KCNK5: variants seen among roughly 807,000 people sequenced by gnomAD.
KCNK5 encodes potassium channel subfamily K member 5.
Under a neutral mutation model 32.9 loss-of-function variants are expected in KCNK5, and 18 were observed. The ratio of observed to expected loss-of-function variants is 0.55; its 90% CI spans 0.38 to 0.81. The LOEUF (loss-of-function observed/expected upper bound fraction) is 0.81, where lower values mean the gene tolerates loss of function less well. Ranked by LOEUF, KCNK5 falls within the 30% of genes least tolerant of loss-of-function variation. The pLI, the probability that KCNK5 is intolerant of heterozygous loss-of-function variation, is 0.00. For missense variants in KCNK5, 507 were observed against 651.0 expected (o/e 0.78, Z 2.41); for synonymous variants, 276 against 275.3 (o/e 1.00, Z -0.03).
chr6:39,212,711 G>A (rs12190363), intron 1 of KCNK5, among the ~76,000 whole-genome samples: 30,967 of 152,042 alleles, frequency 0.2, 3,470 homozygotes, highest in Admixed American at 0.26. Context: ...GATCAACACT[G>A]GAAACAGCCG....
At chr6:39,216,599 C>T (rs1391986850) in intron 1 of KCNK5, among the ~76,000 whole-genome samples, 2 of 152,218 alleles carry the variant, frequency 1.3e-5, no homozygotes, top group Non-Finnish European at 2.9e-5. Context: ...AGGCCACTAA[C>T]TAGCTATGTG....
chr6:39,217,118 C>CAAAAAA (rs57204833), intron 1 of KCNK5, among the ~76,000 whole-genome samples: 12,184 of 72,188 alleles, frequency 0.17, 1,145 homozygotes, highest in Non-Finnish European at 0.24. Flanking sequence ...AAAACTCCAT[C>CAAAAAA]AAAAAAAAAA....
chr6:39,224,203 CT>C (rs1771609552), intron 1 of KCNK5, among the ~76,000 whole-genome samples: 1 of 151,526 alleles, frequency 6.6e-6, no homozygotes, highest in Non-Finnish European at 1.5e-5. Flanking sequence ...CTTTCCACTT[CT>C]GCAGTCCTAG....
chr6:39,195,809 G>C lies in KCNK5; in HGVS notation c.298+67C>G. ...AACAGGGCTGAGTGACCAGAGCTGG[G>C]TTTCTAGAAAGGTTCTGAGGAGCTA... On this transcript the variant is annotated intron_variant, in intron 2 of 4. Transcript: ENST00000359534. 4 of 1,163,770 alleles carry C rather than the reference G, an allele frequency of 3.4e-6. No individual in the cohort carries two copies. The South Asian group carries it at 4.1e-5, about 12-fold the overall frequency. 72.1% of individuals were successfully genotyped at this position (1,163,770 alleles called of 1,614,324 possible). A position where few individuals can be genotyped will look rare whatever the true frequency, so the allele number is the denominator to read the frequency against.
At chr6:39,214,536 T>A (rs1276990665) in intron 1 of KCNK5, among the ~76,000 whole-genome samples, 2 of 152,148 alleles carry the variant, frequency 1.3e-5, no homozygotes, top group Admixed American at 6.5e-5. Flanking sequence ...TGGGGGCTGT[T>A]GGGAGACAGG....
At chr6:39,218,378 T>TTAGAAATAAAGTGAGCCTA (rs1771479421) in intron 1 of KCNK5, among the ~76,000 whole-genome samples, 1 of 152,124 alleles carries the variant, frequency 6.6e-6, no homozygotes, top group Non-Finnish European at 1.5e-5. Context: ...CTATGGGCCA[T>TTAGAAATAAAGTGAGCCTA]TTTAAAAGGG....
In KCNK5 at chr6:39,194,909, C is replaced by A; in HGVS notation, c.299-149G>T. The A allele has an allele frequency of 1.4e-6, 1 of 694,398 alleles. No individual in the cohort carries two copies. Among genetic ancestry groups the A allele is most frequent in the Non-Finnish European group, 2.5e-6 (1 of 407,236 alleles). The allele number at this position is 694,398 out of a possible 1,614,324, so 43.0% of individuals were successfully genotyped here. A position where few individuals can be genotyped will look rare whatever the true frequency, so the allele number is the denominator to read the frequency against. On this transcript the variant is annotated intron_variant, in intron 2 of 4. Transcript: ENST00000359534. The surrounding 1 kb of genome is among the most constrained non-coding windows in gnomAD (Gnocchi z 4.7). ...TAATGATATTTCCCTTGATCATACTCTGATCATGATCATTGATAAAGCAAT... is the reference window on the plus strand; with the variant it reads ...TAATGATATTTCCCTTGATCATACTATGATCATGATCATTGATAAAGCAAT...
At chr6:39,203,533 TC>T (rs915441420) in intron 1 of KCNK5, among the ~76,000 whole-genome samples, 1 of 151,416 alleles carries the variant, frequency 6.6e-6, no homozygotes, top group African/African-American at 2.4e-5. Context: ...CTTCACCACT[TC>T]CCCCCCATCA....
chr6:39,202,782 T>TA (rs1300121217), intron 1 of KCNK5, among the ~76,000 whole-genome samples: 1 of 152,070 alleles, frequency 6.6e-6, no homozygotes, highest in African/African-American at 2.4e-5. Flanking sequence ...TTTAGCTCTA[T>TA]CTAGGAAGCC....
In KCNK5 at chr6:39,193,388, G is replaced by A. The variant is rs1770975024; in HGVS notation, c.634+781C>T. On this transcript the variant is annotated intron_variant, in intron 4 of 4. Transcript: ENST00000359534. ...GCCACATACATCAAGCACAAGGCTA[G>A]TGGCCTCCCACTGCCCTCTGGGCAA... Among the ~76,000 whole-genome samples, 2 of 152,264 alleles carry A rather than the reference G, an allele frequency of 1.3e-5. 1 individual carries two copies.
At chr6:39,211,547 C>T (rs1242358709) in intron 1 of KCNK5, among the ~76,000 whole-genome samples, 1 of 152,192 alleles carries the variant, frequency 6.6e-6, no homozygotes, top group Non-Finnish European at 1.5e-5. Flanking sequence ...CTAGTACTGC[C>T]CAAGAGAACT....
chr6:39,224,298 C>G (rs1207857870), intron 1 of KCNK5, among the ~76,000 whole-genome samples: 1 of 152,176 alleles, frequency 6.6e-6, no homozygotes, highest in African/African-American at 2.4e-5. Context: ...GTTCCTTTTA[C>G]TTACAAAGGC....
At chr6:39,219,810 G>A (rs552245930) in intron 1 of KCNK5, among the ~76,000 whole-genome samples, 1 of 152,344 alleles carries the variant, frequency 6.6e-6, no homozygotes, top group Non-Finnish European at 1.5e-5. Context: ...CATCCTGAGA[G>A]CTAGGCCTGG....
Position 39,190,900 on chromosome 6 carries a change from T to C in KCNK5, c.1490A>G (p.Lys497Arg), listed in dbSNP as rs1770911987. The change falls in exon 5 of 5, where the codon AAG (lysine) becomes AGG (arginine). Residue 497 changes from lysine (K) to arginine (R), a missense_variant. Physicochemically the swap from Lys to Arg is conservative, Grantham distance 26 (BLOSUM62 2). This residue lies in a region of KCNK5 where 252 missense variants were observed against 250.8 expected (regional missense o/e 1.00). Coordinates refer to ENST00000359534, the MANE Select transcript of KCNK5 (RefSeq NM_003740.4). Reference protein sequence around the residue: ...MNEYNKANSPKGT With the variant: ...MNEYNKANSPRGT The stretch of plus-strand genomic sequence containing the variant: ...GGAGCCGGCCCTGCCTCATGTGCCC[T>C]TGGGGCTGTTAGCCTTGTTGTACTC... The C allele has an allele frequency of 2.0e-6, 3 of 1,471,516 alleles. No homozygotes were observed. The highest frequency in any genetic ancestry group is 1.8e-6 in the Non-Finnish European group (2 of 1,110,742). 91.2% of individuals were successfully genotyped at this position (1,471,516 alleles called of 1,614,324 possible).
chr6:39,190,904 G>A lies in KCNK5; in HGVS notation c.1486C>T (p.Pro496Ser). The change falls in exon 5 of 5, where the codon CCC (proline) becomes TCC (serine). Residue 496 changes from proline to serine, a missense_variant. This residue lies in a region of KCNK5 where 252 missense variants were observed against 250.8 expected (regional missense o/e 1.00). Coordinates refer to ENST00000359534, the MANE Select transcript of KCNK5 (RefSeq NM_003740.4). ...CCGGCCCTGCCTCATGTGCCCTTGGGGCTGTTAGCCTTGTTGTACTCATTC... is the reference window on the plus strand; with the variant it reads ...CCGGCCCTGCCTCATGTGCCCTTGGAGCTGTTAGCCTTGTTGTACTCATTC... ...LMNEYNKANS[P>S]KGT is the part of the protein sequence containing the mutation. 6.8e-7 allele frequency: 1 copy of A among 1,472,878 alleles called. No individual in the cohort carries two copies. The highest frequency in any genetic ancestry group is 1.4e-5 in the African/African-American group (1 of 70,574). 91.2% of individuals were successfully genotyped at this position (1,472,878 alleles called of 1,614,324 possible). A position where few individuals can be genotyped will look rare whatever the true frequency, so the allele number is the denominator to read the frequency against.
At chr6:39,226,416 A>G (rs1771672606) in intron 1 of KCNK5, among the ~76,000 whole-genome samples, 1 of 152,194 alleles carries the variant, frequency 6.6e-6, no homozygotes, top group African/African-American at 2.4e-5. Flanking sequence ...ATTTCTAAAG[A>G]AAGTTGACTT....
chr6:39,199,508 G>C (rs1163727045), intron 1 of KCNK5, among the ~76,000 whole-genome samples: 4 of 152,196 alleles, frequency 2.6e-5, no homozygotes, highest in African/African-American at 9.7e-5. Flanking sequence ...GCACTGGAGA[G>C]AGCCCCTAAC....
In KCNK5 at chr6:39,194,505, C is replaced by A; in HGVS notation, c.465+89G>T. On this transcript the variant is annotated intron_variant, in intron 3 of 4. Coordinates refer to ENST00000359534, the MANE Select transcript of KCNK5 (RefSeq NM_003740.4). This position sits in a 1 kb window ranked among gnomAD's most constrained non-coding sequence, Gnocchi z 4.7. ...ATCCTCTTGCCATCTGTCCTTACAC[C>A]CTTGGTCCAATTCCTAGAGGCCTCC... The A allele has an allele frequency of 1.3e-6, 2 of 1,506,322 alleles. No individual in the cohort carries two copies. Among genetic ancestry groups the A allele is most frequent in the South Asian group, 1.2e-5 (1 of 80,408 alleles). 93.3% of individuals were successfully genotyped at this position (1,506,322 alleles called of 1,614,324 possible). A position where few individuals can be genotyped will look rare whatever the true frequency, so the allele number is the denominator to read the frequency against.
chr6:39,191,198 T>C lies in KCNK5; in HGVS notation c.1192A>G (p.Ile398Val), dbSNP rs776669545. 168 of 1,614,098 alleles carry C rather than the reference T, an allele frequency of 1.0e-4. 2 individuals are homozygous for C. The South Asian group carries it at 1.8e-3, about 17-fold the overall frequency. Residue 398 changes from isoleucine (I) to valine (V), a missense_variant, in exon 5 of 5, where the codon ATC (isoleucine) becomes GTC (valine). By Grantham distance (29) the Ile-to-Val change is conservative. Around this residue, in one of 6 missense-constraint regions of KCNK5, gnomAD observed 252 missense variants for 250.8 expected, o/e 1.00. Coordinates refer to ENST00000359534, the MANE Select transcript of KCNK5 (RefSeq NM_003740.4). The surrounding 1 kb of genome is among the most constrained non-coding windows in gnomAD (Gnocchi z 5.8). Reference protein sequence around the residue: ...PEVFMNQLDRISEECEPWDAQ... With the variant: ...PEVFMNQLDRVSEECEPWDAQ... ...TCCCATGGCTCGCATTCCTCGCTGA[T>C]GCGGTCCAGCTGGTTCATGAACACC...
Sources: allele counts gnomAD v4.1 joint callset (sites outside exome capture counted in the v4.1 genomes callset), GRCh38; gene constraint gnomAD v4.1.1; regional missense constraint gnomAD v4.1.1; non-coding constraint Gnocchi (gnomAD v3.1); transcripts MANE v1.5; gene names NCBI Gene and HGNC (gene_info 2026-07-23, HGNC 2026-07-21).